A1CF: variants seen among roughly 807,000 people sequenced by gnomAD.
A1CF encodes the protein APOBEC1 complementation factor.
In A1CF, 48 loss-of-function variants were observed where a neutral mutation model predicts 68.9. That is an observed-to-expected ratio of 0.70 (90% CI 0.55 to 0.89). A1CF has a LOEUF of 0.89. A1CF is among the 40% of genes least tolerant of loss of function. The pLI is 0.00. For missense variants in A1CF, 653 were observed against 718.9 expected, an observed-to-expected ratio of 0.91 and a Z score of 1.05; for synonymous variants, 272 against 260.4, an observed-to-expected ratio of 1.04 and a Z score of -0.43.
Position 50,854,879 on chromosome 10 carries a change from T to G in A1CF, c.99+4963A>C, listed in dbSNP as rs540913663. Reference sequence around the variant, plus strand: ...CTCAGAAAAATTGATTGTGCTGTAATGATTTTTAGAAAACAGACTACCAAT... The same window carrying G: ...CTCAGAAAAATTGATTGTGCTGTAAGGATTTTTAGAAAACAGACTACCAAT... On this transcript the variant is annotated intron_variant, in intron 3 of 12. Transcript: ENST00000373997. Among the ~76,000 whole-genome samples the G allele has an allele frequency of 2.6e-5, 4 of 152,046 alleles. No homozygotes were observed. In the East Asian group the frequency reaches 7.7e-4, roughly 29 times the overall value.
chr10:50,855,815 T>A (rs1840452839), intron 3 of A1CF, among the ~76,000 whole-genome samples: 1 of 152,000 alleles, frequency 6.6e-6, no homozygotes, highest in Non-Finnish European at 1.5e-5. Context: ...AGTAAATCCT[T>A]CAAACCCTAA....
intron 3 of A1CF, among the ~76,000 whole-genome samples, chr10:50,847,837 T>C (rs117043695): frequency 5.8e-4 from 89 of 152,298 alleles, no homozygotes; most frequent in Admixed American, 1.0e-3. Context: ...CATTCTGTGA[T>C]GGCAGATAAC....
At chr10:50,844,230 A>G in intron 3 of A1CF, 108 bp from the exon 4 acceptor site, 1 of 1,471,730 alleles carries the variant, frequency 6.8e-7, no homozygotes, top group South Asian at 1.2e-5. Context: ...TGTATTTATC[A>G]TTGACAAGTA....
At chr10:50,877,272 T>C (rs1296730836) in intron 1 of A1CF, among the ~76,000 whole-genome samples, 1 of 152,240 alleles carries the variant, frequency 6.6e-6, no homozygotes, top group Non-Finnish European at 1.5e-5. Flanking sequence ...ATTTGCGTGG[T>C]ATATTATAGA....
Position 50,816,289 on chromosome 10 carries a change from A to G in A1CF, c.868-10T>C. Reference sequence around the variant, plus strand: ...GGGAACCATCCAGCACCTGTTGTAGAGAGCAAAGAAATATCAACGCGAGAT... The same window carrying G: ...GGGAACCATCCAGCACCTGTTGTAGGGAGCAAAGAAATATCAACGCGAGAT... On this transcript the variant is annotated splice_polypyrimidine_tract_variant and intron_variant, in intron 8 of 12. Coordinates refer to ENST00000373997, the MANE Select transcript of A1CF (RefSeq NM_014576.4). 1 of 1,612,090 alleles carries G rather than the reference A, an allele frequency of 6.2e-7. No individual in the cohort carries two copies. Among genetic ancestry groups the G allele is most frequent in the South Asian group, 1.1e-5 (1 of 90,972 alleles).
intron 11 of A1CF, among the ~76,000 whole-genome samples, chr10:50,810,755 A>G (rs959199686): frequency 1.3e-5 from 2 of 152,202 alleles, no homozygotes; most frequent in African/African-American, 4.8e-5. Context: ...CAAGTGATCC[A>G]GCCAAGAATG....
Position 50,828,303 on chromosome 10 carries a change from A to C in A1CF, c.605-8T>G. The C allele has an allele frequency of 6.5e-7, 1 of 1,539,438 alleles. No homozygotes were observed. The highest frequency in any genetic ancestry group is 1.2e-5 in the South Asian group (1 of 80,416). ...CCCATAACTGAATTCTTCCTGTTGA[A>C]AATGATCACCATTATGATTAATTAT... On this transcript the variant is annotated splice_polypyrimidine_tract_variant and splice_region_variant and intron_variant, in intron 6 of 12. Coordinates refer to ENST00000373997, the MANE Select transcript of A1CF (RefSeq NM_014576.4).
intron 12 of A1CF, among the ~76,000 whole-genome samples, 168 bp from the exon 13 acceptor site, chr10:50,807,048 A>AT (rs1164451370): frequency 6.6e-6 from 1 of 152,190 alleles, no homozygotes; most frequent in African/African-American, 2.4e-5. Flanking sequence ...GGACTCAGTG[A>AT]TTTTCAATGA....
At chr10:50,830,219 A>C (rs975660193) in intron 6 of A1CF, among the ~76,000 whole-genome samples, 1 of 151,918 alleles carries the variant, frequency 6.6e-6, no homozygotes, top group Non-Finnish European at 1.5e-5. Context: ...ACCATTCTAC[A>C]CTCTGCTTAT....
chr10:50,828,244 T>A lies in A1CF; in HGVS notation c.656A>T (p.Glu219Val). 1 of 1,607,770 alleles carries A rather than the reference T, an allele frequency of 6.2e-7. No homozygotes were observed. The highest frequency in any genetic ancestry group is 8.5e-7 in the Non-Finnish European group (1 of 1,175,464). ...HGIAVDWAEPEVEVDEDTMSS... is the reference protein window; with the variant it reads ...HGIAVDWAEPVVEVDEDTMSS... ...CATTGTATCTTCATCAACTTCTACT[T>A]CTGGCTCTGCCCAGTCTACTGCAAT... is the stretch of plus-strand genomic sequence containing the variant. The change falls in exon 7 of 13, where the codon GAA becomes GTA. Residue 219 changes from glutamate to valine, a missense_variant. By Grantham distance (121) the Glu-to-Val change is moderately radical. Transcript: ENST00000373997.
Position 50,816,088 on chromosome 10 carries a change from A to C in A1CF, c.1059T>G (p.Tyr353Ter). ...GGAAATGAAGACTGGGAATTGCTGC[A>C]TAGGTCTGGGGGGCATAGAAGACAG... ...GAPVFYAPQT[Y>*]AAIPSLHFPA... The change falls in exon 9 of 13, where the codon TAT becomes TAG. Residue 353 changes from tyrosine (Y) to a stop codon, truncating the protein, a stop_gained. Transcript: ENST00000373997. LOFTEE classifies it high-confidence loss of function. The C allele has an allele frequency of 6.2e-7, 1 of 1,613,836 alleles. No individual in the cohort carries two copies. Among genetic ancestry groups the C allele is most frequent in the South Asian group, 1.1e-5 (1 of 91,072 alleles).
At chr10:50,864,951 C>T (rs959349491) in intron 1 of A1CF, among the ~76,000 whole-genome samples, 2 of 152,042 alleles carry the variant, frequency 1.3e-5, no homozygotes, top group South Asian at 2.1e-4. Context: ...TTTCTTCTTC[C>T]ACTTTCACCC....
chr10:50,842,956 C>G (rs1351272904), intron 4 of A1CF, among the ~76,000 whole-genome samples: 2 of 152,178 alleles, frequency 1.3e-5, no homozygotes, highest in East Asian at 3.8e-4. Context: ...CCATGTAATA[C>G]TCCCTTCTAC....
chr10:50,826,101 A>G (rs1838916590), intron 7 of A1CF, among the ~76,000 whole-genome samples: 1 of 152,128 alleles, frequency 6.6e-6, no homozygotes, highest in Non-Finnish European at 1.5e-5. Flanking sequence ...TGCATTCTTC[A>G]TTACAGTAAA....
At chr10:50,810,836 C>A (rs1369786759) in intron 11 of A1CF, among the ~76,000 whole-genome samples, 1 of 152,148 alleles carries the variant, frequency 6.6e-6, no homozygotes, top group Non-Finnish European at 1.5e-5. Context: ...TACTACACAA[C>A]CTTCATTGTG....
At position 50,828,075 on chromosome 10, in the gene A1CF, A is replaced by G. The variant is rs80326321; in HGVS notation, c.769+56T>C. ...ATTCCTCGACACATACACCCTCCCA[A>G]GACTAAACCAGGACAAAGAATGTTT... On this transcript the variant is annotated intron_variant, in intron 7 of 12. Coordinates refer to ENST00000373997, the MANE Select transcript of A1CF (RefSeq NM_014576.4). The G allele has an allele frequency of 9.3e-3, 12,742 of 1,374,608 alleles. 73 individuals carry two copies. Among genetic ancestry groups the G allele is most frequent in the Middle Eastern group, 0.011 (56 of 4,970 alleles). 85.2% of individuals were successfully genotyped at this position (1,374,608 alleles called of 1,614,324 possible). A position where few individuals can be genotyped will look rare whatever the true frequency, so the allele number is the denominator to read the frequency against.
At chr10:50,828,365 A>C in intron 6 of A1CF, 70 bp from the exon 7 acceptor site, 1 of 1,280,554 alleles carries the variant, frequency 7.8e-7, no homozygotes, top group Non-Finnish European at 1.0e-6. Flanking sequence ...ATTTATACCA[A>C]TGGTCTTTTA....
chr10:50,849,399 T>G (rs577204482), intron 3 of A1CF, among the ~76,000 whole-genome samples: 3 of 152,320 alleles, frequency 2.0e-5, no homozygotes, highest in Non-Finnish European at 4.4e-5. Flanking sequence ...TTTTCTACAA[T>G]TTTTACAAGA....
intron 1 of A1CF, among the ~76,000 whole-genome samples, chr10:50,872,598 A>G (rs1841320926): frequency 6.6e-6 from 1 of 152,118 alleles, no homozygotes; most frequent in Non-Finnish European, 1.5e-5. Flanking sequence ...TAATGAACCA[A>G]TGAGGGGGAT....
Sources: allele counts gnomAD v4.1 joint callset (sites outside exome capture counted in the v4.1 genomes callset), GRCh38; gene constraint gnomAD v4.1.1; transcripts MANE v1.5; gene names NCBI Gene and HGNC (gene_info 2026-07-23, HGNC 2026-07-21).